CCDC148: variants seen among roughly 807,000 people sequenced by gnomAD.
CCDC148 encodes the protein coiled-coil domain containing 148, also known as coiled-coil domain-containing protein 148.
A neutral mutation model predicts 85.7 loss-of-function variants in CCDC148; 89 were observed. That is an observed-to-expected ratio of 1.04 (90% CI 0.87 to 1.24). The LOEUF is 1.24. Among genes scored for constraint, CCDC148 ranks in the 50% most tolerant of loss-of-function variants. CCDC148 has a pLI of 0.00. For synonymous variants in CCDC148, 230 were observed against 213.9 expected (o/e 1.08, Z -0.66); for missense variants, 692 against 671.7 (o/e 1.03, Z -0.33).
chr2:158,392,723 C>T (rs1290508793), intron 1 of CCDC148, among the ~76,000 whole-genome samples: 1 of 151,856 alleles, frequency 6.6e-6, no homozygotes, highest in African/African-American at 2.4e-5. Flanking sequence ...CAAAATAAAC[C>T]CTTAAGATAA....
At chr2:158,303,717 C>T (rs1043840394) in intron 9 of CCDC148, among the ~76,000 whole-genome samples, 1 of 152,176 alleles carries the variant, frequency 6.6e-6, no homozygotes, top group African/African-American at 2.4e-5. Flanking sequence ...TGCATTTACA[C>T]TTCTCAGGTT....
At chr2:158,286,707 C>G (rs1283576462) in intron 9 of CCDC148, among the ~76,000 whole-genome samples, 2 of 152,014 alleles carry the variant, frequency 1.3e-5, no homozygotes, top group East Asian at 3.9e-4. Flanking sequence ...TTGCCTATGG[C>G]ACAGACGGAA....
intron 10 of CCDC148, among the ~76,000 whole-genome samples, chr2:158,227,610 T>G (rs562176064): frequency 6.6e-6 from 1 of 152,126 alleles, no homozygotes; most frequent in Non-Finnish European, 1.5e-5. Context: ...AAAACAGAGA[T>G]ATAGATCAGT....
chr2:158,179,796 T>C (rs192561843), intron 11 of CCDC148, among the ~76,000 whole-genome samples: 29 of 152,332 alleles, frequency 1.9e-4, no homozygotes, highest in African/African-American at 7.0e-4. Context: ...ACTTTCTGAG[T>C]AGGTGCGTAT....
intron 1 of CCDC148, among the ~76,000 whole-genome samples, chr2:158,379,700 C>T (rs1164121659): frequency 1.3e-5 from 2 of 152,098 alleles, no homozygotes; most frequent in African/African-American, 2.4e-5. Flanking sequence ...CCTCCACCAG[C>T]AAAAAGATTA....
intron 1 of CCDC148, among the ~76,000 whole-genome samples, chr2:158,405,344 A>G (rs893650023): frequency 5.3e-5 from 8 of 152,198 alleles, no homozygotes; most frequent in Non-Finnish European, 1.0e-4. Flanking sequence ...ACAATAATAC[A>G]GGGTTTAAAT....
At chr2:158,391,457 C>T (rs754438514) in intron 1 of CCDC148, among the ~76,000 whole-genome samples, 4 of 152,090 alleles carry the variant, frequency 2.6e-5, no homozygotes, top group Non-Finnish European at 5.9e-5. Context: ...AGACTTTATA[C>T]TACTAGTTGC....
chr2:158,319,985 A>C (rs949141856), intron 7 of CCDC148, among the ~76,000 whole-genome samples: 3 of 152,234 alleles, frequency 2.0e-5, no homozygotes, highest in Non-Finnish European at 4.4e-5. Context: ...ATATTGAGCC[A>C]AAATCTGTCT....
chr2:158,333,287 T>C (rs1693244763), intron 7 of CCDC148, among the ~76,000 whole-genome samples: 1 of 152,220 alleles, frequency 6.6e-6, no homozygotes, highest in South Asian at 2.1e-4. Context: ...TACCCAGTAG[T>C]CATTCAGGAG....
chr2:158,277,540 T>C (rs1180286098), intron 9 of CCDC148, among the ~76,000 whole-genome samples: 1 of 152,354 alleles, frequency 6.6e-6, no homozygotes, highest in South Asian at 2.1e-4. Flanking sequence ...CTACACCATG[T>C]CATTTACAGG....
chr2:158,351,879 G>A (rs1683321152), intron 2 of CCDC148, among the ~76,000 whole-genome samples: 1 of 150,096 alleles, frequency 6.7e-6, no homozygotes, highest in South Asian at 2.1e-4. Flanking sequence ...CTGGAGATCT[G>A]AGAACGGGCA....
intron 1 of CCDC148, among the ~76,000 whole-genome samples, chr2:158,400,137 G>A (rs1418488222): frequency 2.6e-5 from 4 of 152,080 alleles, no homozygotes. Flanking sequence ...TACCACCCAA[G>A]GTAACTTGTA....
intron 9 of CCDC148, among the ~76,000 whole-genome samples, chr2:158,282,490 C>A (rs1437454920): frequency 1.3e-3 from 193 of 151,090 alleles, no homozygotes; most frequent in Non-Finnish European, 1.2e-3. Flanking sequence ...AATAACAGAC[C>A]AACAGAGAGC....
intron 1 of CCDC148, among the ~76,000 whole-genome samples, chr2:158,392,645 T>C (rs1267339673): frequency 1.3e-5 from 2 of 152,090 alleles, no homozygotes; most frequent in African/African-American, 4.8e-5. Context: ...TATCATAAAT[T>C]ATTTGCATTA....
At chr2:158,352,874 T>C (rs896903656) in intron 2 of CCDC148, among the ~76,000 whole-genome samples, 1 of 151,978 alleles carries the variant, frequency 6.6e-6, no homozygotes, top group Admixed American at 6.6e-5. Flanking sequence ...TAGCAGCGGA[T>C]CTCTTGGCAG....
intron 13 of CCDC148, 66 bp from the exon 14 acceptor site, chr2:158,172,325 TC>T: frequency 8.0e-7 from 1 of 1,243,412 alleles, no homozygotes; most frequent in Non-Finnish European, 1.1e-6. Context: ...AACATTTAGT[TC>T]CATGTTTTCC....
chr2:158,432,244 A>AC (rs1037358405), intron 1 of CCDC148, among the ~76,000 whole-genome samples: 10 of 152,070 alleles, frequency 6.6e-5, no homozygotes, highest in African/African-American at 2.4e-4. Context: ...ATAAAAAAAA[A>AC]CAGCAGGATG....
At chr2:158,177,839 A>G (rs1684670607) in intron 12 of CCDC148, among the ~76,000 whole-genome samples, 1 of 152,116 alleles carries the variant, frequency 6.6e-6, no homozygotes. Context: ...TATAACATTT[A>G]CTAGCTGTGT....
At chr2:158,358,404 C>A in intron 2 of CCDC148, 45 bp downstream of exon 2, 1 of 1,578,748 alleles carries the variant, frequency 6.3e-7, no homozygotes, top group South Asian at 1.2e-5. Context: ...TCCAGCAATT[C>A]GATTTTCTAA....
Sources: gnomAD v4.1 joint callset for allele counts (sites outside exome capture counted in the v4.1 genomes callset) on GRCh38, gnomAD v4.1.1 for gene constraint, MANE v1.5 for transcripts, NCBI Gene and HGNC (gene_info 2026-07-23, HGNC 2026-07-21) for gene names.